Variants in NLGN1 observed in about 807,000 individuals in gnomAD.
The protein encoded by NLGN1 is neuroligin 1, also known as neuroligin-1.
NLGN1 carries 12 observed loss-of-function variants against 65.5 expected under a neutral mutation model. That is an observed-to-expected ratio of 0.18 (90% CI 0.12 to 0.30). The LOEUF is 0.30. Among genes scored for constraint, NLGN1 ranks in the 10% least tolerant of loss-of-function variants. The pLI is 1.00. For synonymous variants in NLGN1, 350 were observed against 359.5 expected (o/e 0.97, Z 0.30); for missense variants, 750 against 1,007.1 (o/e 0.74, Z 3.46).
At chr3:174,089,486 C>T (rs1744093188) in intron 4 of NLGN1, among the ~76,000 whole-genome samples, 1 of 152,080 alleles carries the variant, frequency 6.6e-6, no homozygotes, top group Admixed American at 6.6e-5. Context: ...AGAGAGGATA[C>T]AAGAAAAGTT....
intron 4 of NLGN1, among the ~76,000 whole-genome samples, chr3:174,037,014 A>AGC (rs1217679070): frequency 6.6e-6 from 1 of 152,202 alleles, no homozygotes; most frequent in Non-Finnish European, 1.5e-5. Flanking sequence ...TATGGACATT[A>AGC]GGTTAATTCC....
chr3:173,437,217 C>T (rs1718297996), intron 2 of NLGN1, among the ~76,000 whole-genome samples: 2 of 152,186 alleles, frequency 1.3e-5, no homozygotes, highest in Admixed American at 1.3e-4. Flanking sequence ...TCCTCCTGCT[C>T]TTTATCCCCT....
At chr3:173,851,303 TAATA>T (rs1357162678) in intron 4 of NLGN1, among the ~76,000 whole-genome samples, 2 of 152,232 alleles carry the variant, frequency 1.3e-5, no homozygotes, top group African/African-American at 2.4e-5. Flanking sequence ...ATTATTTCAA[TAATA>T]AATCATTCAT....
chr3:173,716,078 G>C (rs894953095), intron 3 of NLGN1, among the ~76,000 whole-genome samples: 1 of 152,024 alleles, frequency 6.6e-6, no homozygotes, highest in East Asian at 1.9e-4. Context: ...AAAAAACTTT[G>C]AATTATTTCA....
intron 4 of NLGN1, among the ~76,000 whole-genome samples, chr3:174,217,380 C>T (rs186744299): frequency 6.6e-6 from 1 of 152,184 alleles, no homozygotes; most frequent in East Asian, 1.9e-4. Context: ...GCCAGCCTGC[C>T]CTGACAAAAT....
intron 4 of NLGN1, among the ~76,000 whole-genome samples, chr3:174,041,741 A>C (rs529286207): frequency 1.4e-4 from 21 of 152,220 alleles, no homozygotes; most frequent in African/African-American, 4.8e-4. Context: ...ATTTGTATTA[A>C]TATATTGGCC....
At chr3:174,143,467 T>A (rs1424157863) in intron 4 of NLGN1, among the ~76,000 whole-genome samples, 1 of 152,212 alleles carries the variant, frequency 6.6e-6, no homozygotes, top group Non-Finnish European at 1.5e-5. Flanking sequence ...CCTCAAGATG[T>A]CGCCTTTCAT....
Position 174,269,444 on chromosome 3 carries a change from T to C in NLGN1, c.647-5871T>C, listed in dbSNP as rs1748920536. On this transcript the variant is annotated intron_variant, in intron 4 of 6. Coordinates refer to ENST00000457714, the Ensembl canonical transcript of NLGN1. Reference sequence around the variant, plus strand: ...TAGAATCCTACAGTATTTGCTTTTTTTGTGACTGGCTTATTTCACATAGCA... The same window carrying C: ...TAGAATCCTACAGTATTTGCTTTTTCTGTGACTGGCTTATTTCACATAGCA... Among the ~76,000 whole-genome samples the C allele has an allele frequency of 2.0e-5, 3 of 152,170 alleles. No individual in the cohort carries two copies. In the South Asian group the frequency reaches 6.2e-4, roughly 32 times the overall value.
intron 2 of NLGN1, among the ~76,000 whole-genome samples, chr3:173,519,486 T>C (rs1234511294): frequency 6.6e-6 from 1 of 152,268 alleles, no homozygotes; most frequent in Admixed American, 6.5e-5. Context: ...GAGGCAGAGC[T>C]GTCCAAGGCT....
intron 4 of NLGN1, among the ~76,000 whole-genome samples, chr3:173,895,010 T>C (rs1560578675): frequency 6.6e-6 from 1 of 152,194 alleles, no homozygotes; most frequent in African/African-American, 2.4e-5. Context: ...ATCAGCGTAT[T>C]ACAAAGACTG....
intron 2 of NLGN1, among the ~76,000 whole-genome samples, chr3:173,437,010 C>T (rs982491378): frequency 2.4e-4 from 37 of 152,142 alleles, no homozygotes; most frequent in African/African-American, 8.7e-4. Context: ...TAAAGTCATC[C>T]TTATTAAAAC....
At chr3:173,733,066 A>G (rs1005552826) in intron 3 of NLGN1, among the ~76,000 whole-genome samples, 20 of 152,122 alleles carry the variant, frequency 1.3e-4, no homozygotes, top group African/African-American at 4.8e-4. Flanking sequence ...TGGTTTAAAT[A>G]CGAGATGGAA....
chr3:174,128,024 A>C (rs941119280), intron 4 of NLGN1, among the ~76,000 whole-genome samples: 1 of 152,164 alleles, frequency 6.6e-6, no homozygotes, highest in African/African-American at 2.4e-5. Flanking sequence ...AATGTGTACA[A>C]AAGTGCCCAT....
chr3:173,577,031 ATCT>A (rs566752382), intron 2 of NLGN1, among the ~76,000 whole-genome samples: 1 of 152,148 alleles, frequency 6.6e-6, no homozygotes, highest in South Asian at 2.1e-4. Flanking sequence ...TAAGTCATTT[ATCT>A]TCTTGTGCTT....
rs115613896 is a variant in NLGN1, at chr3:173,517,453, T to C, written c.-321+82375T>C. 8.8e-3 allele frequency among the ~76,000 whole-genome samples: 1,337 copies of C among 152,206 alleles called. 18 individuals are homozygous for C. Among genetic ancestry groups the C allele is most frequent in the African/African-American group, 0.031 (1,268 of 41,560 alleles). ...TCTCTTACTCCTCAACCAAAGACAG[T>C]ATGAATTCTGTACCCACTACTCATT... is the stretch of plus-strand genomic sequence containing the variant. On this transcript the variant is annotated intron_variant, in intron 2 of 6. Transcript: ENST00000457714.
chr3:173,797,661 G>A (rs1399560149), intron 3 of NLGN1, among the ~76,000 whole-genome samples: 1 of 144,222 alleles, frequency 6.9e-6, no homozygotes, highest in Admixed American at 6.9e-5. Flanking sequence ...AATAACTAAT[G>A]TAGCAAAAAA....
chr3:173,634,976 G>A (rs1173067845), intron 3 of NLGN1, among the ~76,000 whole-genome samples: 1 of 152,112 alleles, frequency 6.6e-6, no homozygotes, highest in Non-Finnish European at 1.5e-5. Flanking sequence ...TTATCATTAT[G>A]AGACATGGTT....
At chr3:173,414,807 G>T (rs1038141696) in intron 1 of NLGN1, among the ~76,000 whole-genome samples, 1 of 152,306 alleles carries the variant, frequency 6.6e-6, no homozygotes, top group East Asian at 1.9e-4. Flanking sequence ...GGTGAAGTGG[G>T]TGGTTTTGAG....
chr3:173,786,840 G>T (rs1782048544), intron 3 of NLGN1, among the ~76,000 whole-genome samples: 3 of 152,148 alleles, frequency 2.0e-5, no homozygotes, highest in Admixed American at 6.5e-5. Context: ...ATTTTGGGAG[G>T]CCGAGGAGGG....
Sources: allele counts gnomAD v4.1 joint callset (sites outside exome capture counted in the v4.1 genomes callset), GRCh38; gene constraint gnomAD v4.1.1; transcripts MANE v1.5; gene names NCBI Gene and HGNC (gene_info 2026-07-23, HGNC 2026-07-21).